Variants in PIK3C2G observed in about 807,000 individuals in gnomAD.
The protein encoded by PIK3C2G is phosphatidylinositol-4-phosphate 3-kinase catalytic subunit type 2 gamma.
PIK3C2G carries 168 observed loss-of-function variants against 181.1 expected under a neutral mutation model. That is an observed-to-expected ratio of 0.93 (90% CI 0.82 to 1.05). The LOEUF (loss-of-function observed/expected upper bound fraction) is 1.05, where lower values mean the gene tolerates loss of function less well. Ranked by LOEUF, PIK3C2G falls within the 50% of genes least tolerant of loss-of-function variation. PIK3C2G has a pLI of 0.00. For missense variants in PIK3C2G, 1,869 were observed against 1,732.8 expected, an observed-to-expected ratio of 1.08 and a Z score of -1.40; for synonymous variants, 573 against 592.2, an observed-to-expected ratio of 0.97 and a Z score of 0.47.
the PIK3C2G span, among the ~76,000 whole-genome samples, chr12:18,671,729 T>C: frequency 2.0e-5 from 3 of 152,082 alleles, no homozygotes; most frequent in Admixed American, 1.3e-4. Flanking sequence ...AAATTTGAAT[T>C]TTTTTCCAAA....
intron 1 of PIK3C2G, among the ~76,000 whole-genome samples, chr12:18,255,967 G>T (rs1948142422): frequency 6.7e-6 from 1 of 150,140 alleles, no homozygotes; most frequent in Non-Finnish European, 1.5e-5. Context: ...TATTACTTAT[G>T]GTTCCTATTT....
downstream of PIK3C2G, among the ~76,000 whole-genome samples, chr12:18,652,919 T>C (rs1950579519): frequency 6.6e-6 from 1 of 151,716 alleles, no homozygotes; most frequent in Non-Finnish European, 1.5e-5. Context: ...AGAATATACA[T>C]ATTCTGTCTC....
At chr12:18,637,835 G>T (rs1056970297) in intron 31 of PIK3C2G, among the ~76,000 whole-genome samples, 1 of 152,104 alleles carries the variant, frequency 6.6e-6, no homozygotes, top group Non-Finnish European at 1.5e-5. Context: ...AATCCTTTCT[G>T]CTACATTAAA....
chr12:18,648,465 T>G (rs1950271976), downstream of PIK3C2G: 1 of 187,594 alleles, frequency 5.3e-6, no homozygotes, highest in Admixed American at 6.2e-5. Context: ...TTATATATAC[T>G]TATACCTACT....
the PIK3C2G span, among the ~76,000 whole-genome samples, chr12:18,692,064 T>C: frequency 6.6e-6 from 1 of 152,138 alleles, no homozygotes; most frequent in Non-Finnish European, 1.5e-5. Context: ...CCAGGAAAAG[T>C]CGCAGGAGAA....
chr12:18,434,721 A>G (rs1946353124), intron 18 of PIK3C2G, among the ~76,000 whole-genome samples: 1 of 152,178 alleles, frequency 6.6e-6, no homozygotes, highest in Non-Finnish European at 1.5e-5. Context: ...ATACAAGTAC[A>G]ACAGCATAGA....
intron 5 of PIK3C2G, among the ~76,000 whole-genome samples, chr12:18,309,266 T>C (rs1381148414): frequency 6.6e-6 from 1 of 151,848 alleles, no homozygotes; most frequent in Non-Finnish European, 1.5e-5. Flanking sequence ...ATATGTCCAT[T>C]GGATTCTGCA....
downstream of PIK3C2G, among the ~76,000 whole-genome samples, chr12:18,652,563 A>G (rs926392874): frequency 2.6e-5 from 4 of 152,096 alleles, no homozygotes; most frequent in African/African-American, 7.2e-5. Flanking sequence ...GGTCCTAGCT[A>G]ACTAATATAT....
chr12:18,675,733 G>A, the PIK3C2G span, among the ~76,000 whole-genome samples: 2 of 152,186 alleles, frequency 1.3e-5, no homozygotes, highest in Non-Finnish European at 2.9e-5. Flanking sequence ...CAACATGGAT[G>A]GAGCTGGAGT....
At chr12:18,280,934 A>G (rs1476000735) in intron 1 of PIK3C2G, among the ~76,000 whole-genome samples, 1 of 151,952 alleles carries the variant, frequency 6.6e-6, no homozygotes, top group African/African-American at 2.4e-5. Context: ...GATATAGAAG[A>G]AGAAAGATGA....
intron 10 of PIK3C2G, among the ~76,000 whole-genome samples, chr12:18,345,756 CTG>C (rs780241207): frequency 3.3e-5 from 5 of 152,146 alleles, no homozygotes; most frequent in Middle Eastern, 3.4e-3. Context: ...AGGTAACAAA[CTG>C]TGGAAAGCGA....
chr12:18,520,217 T>C (rs1942826674), intron 24 of PIK3C2G, among the ~76,000 whole-genome samples: 1 of 151,914 alleles, frequency 6.6e-6, no homozygotes, highest in African/African-American at 2.4e-5. Flanking sequence ...TTCTCAGAGA[T>C]TGTCTTAGTG....
At chr12:18,574,811 T>C (rs900709862) in intron 29 of PIK3C2G, among the ~76,000 whole-genome samples, 2 of 152,200 alleles carry the variant, frequency 1.3e-5, no homozygotes, top group Admixed American at 6.5e-5. Context: ...ACAACATTTC[T>C]TTTCCACTGG....
chr12:18,671,827 C>A, the PIK3C2G span, among the ~76,000 whole-genome samples: 3 of 152,104 alleles, frequency 2.0e-5, no homozygotes, highest in Non-Finnish European at 4.4e-5. Flanking sequence ...ATTGATTTCT[C>A]ACAGTTTTGG....
At chr12:18,357,465 C>G (rs1420262411) in intron 11 of PIK3C2G, among the ~76,000 whole-genome samples, 1 of 152,126 alleles carries the variant, frequency 6.6e-6, no homozygotes, top group Admixed American at 6.5e-5. Context: ...GTTTAAAAAT[C>G]TAATGCACAC....
intron 24 of PIK3C2G, among the ~76,000 whole-genome samples, chr12:18,518,555 G>C (rs1452348923): frequency 6.6e-6 from 1 of 152,110 alleles, no homozygotes; most frequent in Non-Finnish European, 1.5e-5. Flanking sequence ...ATGGTAGTTT[G>C]TATTTCTGTG....
intron 29 of PIK3C2G, among the ~76,000 whole-genome samples, chr12:18,568,220 C>T (rs1375462734): frequency 6.6e-6 from 1 of 152,048 alleles, no homozygotes; most frequent in Non-Finnish European, 1.5e-5. Flanking sequence ...TATTATTCTG[C>T]CTATCACGGG....
chr12:18,557,776 T>C (rs1222545368), intron 26 of PIK3C2G, among the ~76,000 whole-genome samples: 1 of 152,140 alleles, frequency 6.6e-6, no homozygotes, highest in Non-Finnish European at 1.5e-5. Context: ...AAATATGAAT[T>C]AAAAGTTAGT....
chr12:18,281,794 A>G (rs1289382350), intron 1 of PIK3C2G, among the ~76,000 whole-genome samples: 1 of 152,008 alleles, frequency 6.6e-6, no homozygotes, highest in Non-Finnish European at 1.5e-5. Context: ...CTATCACAGG[A>G]GTTTTGTCAG....
Sources: gnomAD v4.1 joint callset for allele counts (sites outside exome capture counted in the v4.1 genomes callset) on GRCh38, gnomAD v4.1.1 for gene constraint, MANE v1.5 for transcripts, NCBI Gene and HGNC (gene_info 2026-07-23, HGNC 2026-07-21) for gene names.